The following XIRP2 variants were observed in gnomAD, a reference collection of about 807,000 sequenced individuals.
XIRP2 encodes xin actin binding repeat containing 2.
A neutral mutation model predicts 277.0 loss-of-function variants in XIRP2; 236 were observed. The observed-to-expected ratio is 0.85, with a 90% CI of 0.77 to 0.95. The LOEUF is 0.95. Ranked by LOEUF, XIRP2 falls within the 40% of genes least tolerant of loss-of-function variation. The pLI is 0.00. For synonymous variants in XIRP2, 1,490 were observed against 1,416.5 expected (o/e 1.05, Z -1.17); for missense variants, 4,640 against 4,157.5 (o/e 1.12, Z -3.19).
At position 167,258,523 on chromosome 2, in the gene XIRP2, T is replaced by C. The variant is rs748429556; in HGVS notation, c.*706T>C. Reference sequence around the variant, plus strand: ...ACAGGAAAAGTGCTATGGATCTTAATGACAACAATAATGTGATTGTGCAGA... The same window carrying C: ...ACAGGAAAAGTGCTATGGATCTTAACGACAACAATAATGTGATTGTGCAGA... On this transcript the variant is annotated 3_prime_UTR_variant, in exon 11 of 11. Transcript: ENST00000409195. 1 of 1,613,058 alleles carries C rather than the reference T, an allele frequency of 6.2e-7. No homozygotes were observed. Among genetic ancestry groups the C allele is most frequent in the Non-Finnish European group, 8.5e-7 (1 of 1,179,552 alleles).
At position 167,249,414 on chromosome 2, in the gene XIRP2, A is replaced by T. The variant is rs776900246; in HGVS notation, c.8022A>T (p.Glu2674Asp). Residue 2674 changes from glutamate to aspartate, a missense_variant, in exon 9 of 11, where the codon GAA becomes GAT. Transcript: ENST00000409195. ...TTATGCAATCCAAATCAGCTTGCGA[A>T]ATTAAACAAAGTCACCAAGAATGTA... ...RDIMQSKSAC[E>D]IKQSHQECST... is the part of the protein sequence containing the mutation. 1 of 1,613,688 alleles carries T rather than the reference A, an allele frequency of 6.2e-7. No homozygotes were observed. Among genetic ancestry groups the T allele is most frequent in the Admixed American group, 1.7e-5 (1 of 59,944 alleles).
At chr2:166,994,491 TTAAA>T (rs1315471584) in intron 2 of XIRP2, among the ~76,000 whole-genome samples, 1 of 75,444 alleles carries the variant, frequency 1.3e-5, no homozygotes, top group Non-Finnish European at 2.8e-5. Flanking sequence ...AAAAAAAAAA[TTAAA>T]AAAAAAAAAA....
At chr2:167,236,238 C>T (rs1694896060) in intron 5 of XIRP2, among the ~76,000 whole-genome samples, 1 of 151,322 alleles carries the variant, frequency 6.6e-6, no homozygotes, top group Non-Finnish European at 1.5e-5. Context: ...AGTGAGTCGC[C>T]ATAAAAAAAA....
chr2:167,048,675 G>C (rs1688846375), intron 2 of XIRP2, among the ~76,000 whole-genome samples: 2 of 151,654 alleles, frequency 1.3e-5, no homozygotes, highest in African/African-American at 4.8e-5. Flanking sequence ...CTTGTTATAA[G>C]GGGATTTCAA....
At chr2:166,938,667 G>C in intron 2 of XIRP2, among the ~76,000 whole-genome samples, 1 of 152,064 alleles carries the variant, frequency 6.6e-6, no homozygotes, top group East Asian at 1.9e-4. Flanking sequence ...TTTCTGTCTC[G>C]TTGATCTGTC....
chr2:167,116,343 A>G (rs1690895635), intron 2 of XIRP2, among the ~76,000 whole-genome samples: 1 of 152,194 alleles, frequency 6.6e-6, no homozygotes, highest in African/African-American at 2.4e-5. Flanking sequence ...CAGAATTAGG[A>G]TTGAAATGCC....
intron 2 of XIRP2, among the ~76,000 whole-genome samples, chr2:166,988,505 C>T (rs1344306791): frequency 7.5e-6 from 1 of 134,160 alleles, no homozygotes; most frequent in Non-Finnish European, 1.6e-5. Context: ...CAGCTCCCAG[C>T]GTGAGCGACG....
At chr2:166,920,462 G>A (rs1160492553) in intron 2 of XIRP2, among the ~76,000 whole-genome samples, 1 of 152,066 alleles carries the variant, frequency 6.6e-6, no homozygotes, top group Admixed American at 6.6e-5. Flanking sequence ...AGAAATCAAA[G>A]CAATTCTTAA....
chr2:166,896,165 G>A (rs1684236841), intron 1 of XIRP2, among the ~76,000 whole-genome samples: 1 of 152,020 alleles, frequency 6.6e-6, no homozygotes, highest in South Asian at 2.1e-4. Flanking sequence ...TATAACGGAG[G>A]AAAAACATCC....
intron 2 of XIRP2, among the ~76,000 whole-genome samples, chr2:167,065,869 T>C (rs1689290397): frequency 6.6e-6 from 1 of 151,960 alleles, no homozygotes; most frequent in Non-Finnish European, 1.5e-5. Context: ...GATTGTTTTC[T>C]TTCAGTACAT....
At chr2:167,013,259 A>G (rs554776169) in intron 2 of XIRP2, among the ~76,000 whole-genome samples, 2 of 151,438 alleles carry the variant, frequency 1.3e-5, no homozygotes, top group East Asian at 3.9e-4. Context: ...GTTCTTCCCC[A>G]TGCTGTTTCT....
chr2:167,148,807 A>T (rs1161544553), intron 3 of XIRP2, among the ~76,000 whole-genome samples: 1 of 152,202 alleles, frequency 6.6e-6, no homozygotes, highest in African/African-American at 2.4e-5. Context: ...CAATAGAAAT[A>T]AAGAATAATC....
chr2:166,917,048 C>T (rs913594352), intron 2 of XIRP2, among the ~76,000 whole-genome samples: 5 of 152,082 alleles, frequency 3.3e-5, no homozygotes, highest in Non-Finnish European at 5.9e-5. Flanking sequence ...ACTATATGTC[C>T]TTCAGAGAAA....
At position 167,248,263 on chromosome 2, in the gene XIRP2, C is replaced by T; in HGVS notation, c.6871C>T (p.Pro2291Ser). ...AAAAGAAAGTGAGTGCCCCCTTCCA[C>T]CTCCATCTCCACCTCCTCCACCACC... The part of the protein sequence containing the change: ...NVKESECPLP[P>S]PSPPPPPPSN... The change falls in exon 9 of 11, where the codon CCT becomes TCT. Residue 2291 changes from proline to serine, a missense_variant. Pro to Ser is a moderately conservative substitution (Grantham distance 74). Coordinates refer to ENST00000409195, the MANE Select transcript of XIRP2 (RefSeq NM_152381.6). 6.2e-7 allele frequency: 1 copy of T among 1,613,740 alleles called. No individual in the cohort carries two copies. Among genetic ancestry groups the T allele is most frequent in the Non-Finnish European group, 8.5e-7 (1 of 1,179,832 alleles).
chr2:167,146,128 A>G (rs1219906850), intron 3 of XIRP2, among the ~76,000 whole-genome samples: 1 of 151,750 alleles, frequency 6.6e-6, no homozygotes, highest in Non-Finnish European at 1.5e-5. Flanking sequence ...TTTTTTTTTA[A>G]CACAGCAGAT....
At chr2:167,070,800 T>C (rs911162040) in intron 2 of XIRP2, among the ~76,000 whole-genome samples, 8 of 151,852 alleles carry the variant, frequency 5.3e-5, no homozygotes, top group Non-Finnish European at 8.8e-5. Flanking sequence ...GACTTTGGCA[T>C]TTTTTTTAAG....
chr2:167,199,800 A>C (rs78352928), intron 3 of XIRP2, among the ~76,000 whole-genome samples: 1 of 152,216 alleles, frequency 6.6e-6, no homozygotes, highest in Non-Finnish European at 1.5e-5. Context: ...TCTCGCCACA[A>C]GGGCACAGAC....
intron 5 of XIRP2, among the ~76,000 whole-genome samples, chr2:167,237,700 T>G (rs959940812): frequency 3.9e-5 from 6 of 152,180 alleles, no homozygotes; most frequent in African/African-American, 1.4e-4. Context: ...GGCGGAGACA[T>G]GATTCTATAG....
Position 167,247,288 on chromosome 2 carries a change from C to G in XIRP2, c.5896C>G (p.Gln1966Glu). ...GGGAGAGCAGAAAACAGATATTCATCAGGTTGCTGTCCAGAGGAACAAAAA... is the reference window on the plus strand; with the variant it reads ...GGGAGAGCAGAAAACAGATATTCATGAGGTTGCTGTCCAGAGGAACAAAAA... ...SSGEQKTDIH[Q>E]VAVQRNKNSL... is the part of the protein sequence containing the mutation. The change falls in exon 9 of 11, where the codon CAG (glutamine) becomes GAG (glutamate). Residue 1966 changes from glutamine (Q) to glutamate (E), a missense_variant. Physicochemically the swap from Gln to Glu is conservative, Grantham distance 29 (BLOSUM62 2). Transcript: ENST00000409195. 1 of 1,613,700 alleles carries G rather than the reference C, an allele frequency of 6.2e-7. No homozygotes were observed. The highest frequency in any genetic ancestry group is 1.1e-5 in the South Asian group (1 of 91,072).
Sources: gnomAD v4.1 joint callset for allele counts (sites outside exome capture counted in the v4.1 genomes callset) on GRCh38, gnomAD v4.1.1 for gene constraint, MANE v1.5 for transcripts, NCBI Gene and HGNC (gene_info 2026-07-23, HGNC 2026-07-21) for gene names.